Variants in SLC35F4 observed in about 807,000 individuals in gnomAD.
SLC35F4 encodes chromosome 14 open reading frame 36.
Under a neutral mutation model 44.2 loss-of-function variants are expected in SLC35F4, and 24 were observed. The observed-to-expected ratio is 0.54, with a 90% CI of 0.39 to 0.76. SLC35F4 has a LOEUF of 0.76. SLC35F4 is among the 30% of genes least tolerant of loss of function. The pLI is 0.00. For synonymous variants in SLC35F4, 238 were observed against 223.6 expected (o/e 1.06, Z -0.57); for missense variants, 562 against 586.1 (o/e 0.96, Z 0.42).
chr14:57,918,417 GT>G (rs1228209014), intron 1 of SLC35F4, among the ~76,000 whole-genome samples: 1 of 152,150 alleles, frequency 6.6e-6, no homozygotes, highest in African/African-American at 2.4e-5. Context: ...GGAGGCGGTG[GT>G]TTTCCCTGTG....
chr14:57,803,644 C>G (rs959841849), intron 1 of SLC35F4, among the ~76,000 whole-genome samples: 1 of 131,354 alleles, frequency 7.6e-6, no homozygotes, highest in Non-Finnish European at 1.5e-5. Flanking sequence ...GACTGGGGTA[C>G]GAAGGCACGA....
chr14:57,816,620 C>T (rs573718440), intron 1 of SLC35F4, among the ~76,000 whole-genome samples: 20 of 152,292 alleles, frequency 1.3e-4, no homozygotes, highest in African/African-American at 3.1e-4. Flanking sequence ...ACACATTGAA[C>T]GCTGTATATT....
chr14:57,676,745 TA>T (rs1483602315), intron 1 of SLC35F4, among the ~76,000 whole-genome samples: 1 of 151,832 alleles, frequency 6.6e-6, no homozygotes, highest in Non-Finnish European at 1.5e-5. Context: ...TGGCCATAAT[TA>T]AAAAGTCAAA....
intron 1 of SLC35F4, among the ~76,000 whole-genome samples, chr14:57,701,506 T>G (rs992888675): frequency 6.6e-5 from 10 of 152,226 alleles, no homozygotes; most frequent in Admixed American, 2.6e-4. Flanking sequence ...CATAATTGTA[T>G]GTTATATTTT....
intron 1 of SLC35F4, among the ~76,000 whole-genome samples, chr14:57,919,355 A>C (rs1000195408): frequency 6.6e-6 from 1 of 152,252 alleles, no homozygotes; most frequent in African/African-American, 2.4e-5. Context: ...GTAGAAAAGC[A>C]TTTGGAAGTT....
intron 4 of SLC35F4, among the ~76,000 whole-genome samples, chr14:57,576,119 G>T (rs191017658): frequency 6.6e-6 from 1 of 152,136 alleles, no homozygotes; most frequent in Admixed American, 6.5e-5. Flanking sequence ...CTCACAGATG[G>T]TTTTCACAAT....
chr14:57,719,510 T>C (rs1345586630), intron 1 of SLC35F4, among the ~76,000 whole-genome samples: 2 of 152,218 alleles, frequency 1.3e-5, no homozygotes, highest in Non-Finnish European at 2.9e-5. Flanking sequence ...CAGTGTTTTA[T>C]AGTTCTCATT....
At chr14:57,857,309 G>A (rs11844994) in intron 1 of SLC35F4, among the ~76,000 whole-genome samples, 12,992 of 151,742 alleles carry the variant, frequency 0.086, 663 homozygotes, top group Middle Eastern at 0.15. Context: ...CCCCATTGAA[G>A]CACAGAAAAT....
At chr14:57,774,867 C>A (rs2077450484) in intron 1 of SLC35F4, among the ~76,000 whole-genome samples, 1 of 152,176 alleles carries the variant, frequency 6.6e-6, no homozygotes, top group Admixed American at 6.5e-5. Flanking sequence ...TCTTGCCTTC[C>A]CTTCCTGCCA....
chr14:57,578,167 G>C (rs1386345747), intron 4 of SLC35F4, among the ~76,000 whole-genome samples: 1 of 151,498 alleles, frequency 6.6e-6, no homozygotes, highest in Non-Finnish European at 1.5e-5. Context: ...ATTAGAAGTA[G>C]GGAAGGCCAT....
At chr14:57,565,419 A>T (rs145611462) in intron 7 of SLC35F4, among the ~76,000 whole-genome samples, 113 of 152,166 alleles carry the variant, frequency 7.4e-4, no homozygotes, top group African/African-American at 2.6e-3. Context: ...TTCAGCACAT[A>T]CCTCTATTAA....
At chr14:57,615,143 A>T (rs996736579) in intron 1 of SLC35F4, among the ~76,000 whole-genome samples, 3 of 152,198 alleles carry the variant, frequency 2.0e-5, no homozygotes, top group Non-Finnish European at 4.4e-5. Context: ...ACTTTGTGAA[A>T]CCAATATGAT....
At chr14:57,800,038 A>T (rs761399710) in intron 1 of SLC35F4, among the ~76,000 whole-genome samples, 48 of 152,140 alleles carry the variant, frequency 3.2e-4, no homozygotes, top group Admixed American at 4.6e-4. Context: ...GCCGGACCCC[A>T]ATCCCATTCC....
At chr14:57,616,559 C>T (rs747726206) in intron 1 of SLC35F4, among the ~76,000 whole-genome samples, 4 of 152,146 alleles carry the variant, frequency 2.6e-5, no homozygotes, top group African/African-American at 9.7e-5. Flanking sequence ...TGAAGACCAG[C>T]CTTCTAGGGA....
chr14:57,767,244 G>T (rs2077257234), intron 1 of SLC35F4, among the ~76,000 whole-genome samples: 1 of 152,096 alleles, frequency 6.6e-6, no homozygotes, highest in Non-Finnish European at 1.5e-5. Flanking sequence ...TGATCTAATT[G>T]GCATGTATAG....
chr14:57,799,675 T>C (rs541644489), intron 1 of SLC35F4, among the ~76,000 whole-genome samples: 1 of 152,236 alleles, frequency 6.6e-6, no homozygotes, highest in African/African-American at 2.4e-5. Flanking sequence ...CCCACCAGCT[T>C]TGGAGAATAC....
At chr14:57,679,572 C>T (rs2140298901) in intron 1 of SLC35F4, among the ~76,000 whole-genome samples, 1 of 152,038 alleles carries the variant, frequency 6.6e-6, no homozygotes, top group South Asian at 2.1e-4. Flanking sequence ...TTCAAAAAAT[C>T]AATGAATCCA....
At chr14:57,620,189 G>A (rs932818786) in intron 1 of SLC35F4, among the ~76,000 whole-genome samples, 3 of 152,048 alleles carry the variant, frequency 2.0e-5, no homozygotes, top group Admixed American at 2.0e-4. Flanking sequence ...GAAATACAGA[G>A]AACACCATAA....
chr14:57,667,894 C>T (rs199976176), intron 1 of SLC35F4, among the ~76,000 whole-genome samples: 25,166 of 129,718 alleles, frequency 0.19, 2,493 homozygotes, highest in South Asian at 0.23. Flanking sequence ...TTCTAGATCC[C>T]TGAGGAATTG....
Sources: allele counts gnomAD v4.1 joint callset (sites outside exome capture counted in the v4.1 genomes callset), GRCh38; gene constraint gnomAD v4.1.1; transcripts MANE v1.5; gene names NCBI Gene and HGNC (gene_info 2026-07-23, HGNC 2026-07-21).